The following CATSPERG variants were observed in gnomAD, a reference collection of about 807,000 sequenced individuals.
The protein encoded by CATSPERG is catsper channel auxiliary subunit gamma.
A neutral mutation model predicts 145.0 loss-of-function variants in CATSPERG; 115 were observed. The ratio of observed to expected loss-of-function variants is 0.79; its 90% CI spans 0.68 to 0.93. CATSPERG has a LOEUF of 0.93. Ranked by LOEUF, CATSPERG falls within the 40% of genes least tolerant of loss-of-function variation. The pLI, the probability that CATSPERG is intolerant of heterozygous loss-of-function variation, is 0.00. For synonymous variants in CATSPERG, 588 were observed against 589.0 expected (o/e 1.00, Z 0.02); for missense variants, 1,296 against 1,490.1 (o/e 0.87, Z 2.14).
chr19:38,344,866 CACACACACACACACACATATAT>C (rs1970005846), intron 6 of CATSPERG, among the ~76,000 whole-genome samples: 1 of 104,646 alleles, frequency 9.6e-6, no homozygotes, highest in African/African-American at 3.2e-5. Context: ...GACACACACA[CACACACACACACACACATATAT>C]ATATATATAT....
intron 8 of CATSPERG, among the ~76,000 whole-genome samples, chr19:38,353,023 G>A (rs963701860): frequency 4.0e-5 from 3 of 75,534 alleles, no homozygotes; most frequent in Admixed American, 1.9e-4. Flanking sequence ...GCAAGACCCT[G>A]TTTCAAAAAA....
rs775853557 is a variant in CATSPERG, at chr19:38,354,666, A to T, written c.998-44A>T. On this transcript the variant is annotated intron_variant, in intron 8 of 28. Transcript: ENST00000409235. ...AATGTGGGCAGGGGGCAGAGGCCCC[A>T]GATCCAACCACCTGGGTCTGAGGCC... is the stretch of plus-strand genomic sequence containing the variant. The T allele has an allele frequency of 1.1e-5, 17 of 1,605,846 alleles. No individual in the cohort carries two copies. The South Asian group carries it at 1.4e-4, about 14-fold the overall frequency.
chr19:38,352,501 T>G (rs773568577), intron 8 of CATSPERG, 69 bp downstream of exon 8: 2 of 1,445,462 alleles, frequency 1.4e-6, no homozygotes, highest in South Asian at 2.4e-5. Context: ...TGAAGGTGGC[T>G]GGGGGCTGGA....
rs774101181 is a variant in CATSPERG at position 38,370,799 on chromosome 19, C to T, written c.*7C>T. The T allele has an allele frequency of 1.4e-5, 23 of 1,610,510 alleles. No homozygotes were observed. The highest frequency in any genetic ancestry group is 1.9e-5 in the Non-Finnish European group (22 of 1,177,308). Reference sequence around the variant, plus strand: ...GAGACAGTTGATGACCTGAGTGTCCCACCTGCCCCAGCCCCCAGTTACTGT... The same window carrying T: ...GAGACAGTTGATGACCTGAGTGTCCTACCTGCCCCAGCCCCCAGTTACTGT... On this transcript the variant is annotated 3_prime_UTR_variant, in exon 29 of 29. Transcript: ENST00000409235.
At chr19:38,360,429 AG>A in intron 14 of CATSPERG, 59 bp from the exon 15 acceptor site, 1 of 1,600,656 alleles carries the variant, frequency 6.2e-7, no homozygotes, top group Admixed American at 1.7e-5. Flanking sequence ...GCAGAGGGTG[AG>A]GTGGGATCAG....
chr19:38,340,653 G>A (rs756827219), intron 3 of CATSPERG, among the ~76,000 whole-genome samples: 8 of 149,312 alleles, frequency 5.4e-5, no homozygotes, highest in East Asian at 2.0e-4. Flanking sequence ...AGGGTCTTGC[G>A]CTGTCACCCA....
rs979411266 is a variant in CATSPERG at position 38,362,696 on chromosome 19, G to T, written c.2357-18G>T. 9 of 1,613,448 alleles carry T rather than the reference G, an allele frequency of 5.6e-6. No individual in the cohort carries two copies. Among genetic ancestry groups the T allele is most frequent in the Non-Finnish European group, 7.6e-6 (9 of 1,179,504 alleles). On this transcript the variant is annotated intron_variant, in intron 19 of 28. Coordinates refer to ENST00000409235, the MANE Select transcript of CATSPERG (RefSeq NM_021185.5). ...TGTCTGTGAGGGAGGCCTTAACCCC[G>T]TTTACTGCCCGGAGCAGGCACCGCC...
At chr19:38,355,594 G>A (rs1407518929) in intron 9 of CATSPERG, among the ~76,000 whole-genome samples, 1 of 151,960 alleles carries the variant, frequency 6.6e-6, no homozygotes, top group Non-Finnish European at 1.5e-5. Context: ...CTACTTGGGA[G>A]GCTGAGGCAT....
chr19:38,367,399 A>C, intron 23 of CATSPERG, 87 bp downstream of exon 23: 1 of 1,562,190 alleles, frequency 6.4e-7, no homozygotes, highest in Non-Finnish European at 8.7e-7. Context: ...CTCTCCCCGC[A>C]GACTACCCAC....
Position 38,370,906 on chromosome 19 carries a change from A to G in CATSPERG, c.*114A>G. ...TCTCTTTCTGTTTTGCTTGATGTTT[A>G]CTTCTCGTTCAGACTCAAATAAAGC... On this transcript the variant is annotated 3_prime_UTR_variant, in exon 29 of 29. Coordinates refer to ENST00000409235, the MANE Select transcript of CATSPERG (RefSeq NM_021185.5). 1 of 1,209,448 alleles carries G rather than the reference A, an allele frequency of 8.3e-7. No homozygotes were observed. The allele number at this position is 1,209,448 out of a possible 1,614,324, so 74.9% of individuals were successfully genotyped here.
intron 12 of CATSPERG, 51 bp downstream of exon 12, chr19:38,358,379 G>A: frequency 6.2e-7 from 1 of 1,614,106 alleles, no homozygotes; most frequent in African/African-American, 1.3e-5. Context: ...GCCAGGAGGG[G>A]CCCAGGTGAC....
Position 38,370,238 on chromosome 19 carries a change from C to T in CATSPERG, c.3193C>T (p.Arg1065Trp), listed in dbSNP as rs757039518. The change falls in exon 28 of 29, where the codon CGG (arginine) becomes TGG (tryptophan). Residue 1065 changes from arginine to tryptophan, a missense_variant. Physicochemically the swap from Arg to Trp is moderately radical, Grantham distance 101. Coordinates refer to ENST00000409235, the MANE Select transcript of CATSPERG (RefSeq NM_021185.5). ...HIHGLPLSPK[R>W]ALFIIMVSAS... ...CCACGGGCTGCCACTCAGTCCCAAG[C>T]GGGCCCTTTTCATCATCATGGTGAG... The T allele has an allele frequency of 3.7e-5, 60 of 1,613,332 alleles. No individual in the cohort carries two copies. Among genetic ancestry groups the T allele is most frequent in the East Asian group, 8.9e-5 (4 of 44,886 alleles).
rs1970487503 is a variant in CATSPERG at position 38,368,138 on chromosome 19, G to GT, written c.3020+2dup. 1 of 1,613,836 alleles carries GT rather than the reference G, an allele frequency of 6.2e-7. No homozygotes were observed. The highest frequency in any genetic ancestry group is 2.2e-5 in the East Asian group (1 of 44,882). On this transcript the variant is annotated splice_donor_variant, in intron 26 of 28. Transcript: ENST00000409235. LOFTEE classifies it high-confidence loss of function. The stretch of plus-strand genomic sequence containing the variant: ...TGTCCCACGAGAGCCCAGGCATCGA[G>GT]TGAGTGCGTAGCCTGGCCCCTCTTG...
intron 4 of CATSPERG, 35 bp downstream of exon 4, chr19:38,343,759 G>T: frequency 1.3e-6 from 2 of 1,540,036 alleles, no homozygotes; most frequent in African/African-American, 1.4e-5. Context: ...ATCGCAACCT[G>T]GCAGGGGTGT....
chr19:38,350,160 G>T (rs1008760647), intron 7 of CATSPERG, among the ~76,000 whole-genome samples: 1 of 152,122 alleles, frequency 6.6e-6, no homozygotes, highest in Non-Finnish European at 1.5e-5. Context: ...GTGAGAAGGG[G>T]TCACCTGGCT....
At chr19:38,355,678 C>A (rs1156998010) in intron 9 of CATSPERG, among the ~76,000 whole-genome samples, 3 of 152,178 alleles carry the variant, frequency 2.0e-5, no homozygotes, top group African/African-American at 7.2e-5. Flanking sequence ...GCCTGGGCAA[C>A]AGAGTGAGAC....
chr19:38,337,680 T>G (rs1392053167), intron 3 of CATSPERG, 34 bp downstream of exon 3: 1 of 1,529,432 alleles, frequency 6.5e-7, no homozygotes, highest in South Asian at 1.2e-5. Flanking sequence ...GCTCATTCTA[T>G]GAGCCTTGGT....
Position 38,349,648 on chromosome 19 carries a change from T to TTTTG in CATSPERG, c.826-2585_826-2582dup, listed in dbSNP as rs371725796. 7.4e-3 allele frequency: 1,107 copies of TTTTG among 149,896 alleles called. 9 individuals carry two copies. Among genetic ancestry groups the TTTTG allele is most frequent in the Non-Finnish European group, 6.5e-3 (437 of 67,536 alleles). 9.3% of individuals were successfully genotyped at this position (149,896 alleles called of 1,614,324 possible). On this transcript the variant is annotated intron_variant, in intron 7 of 28. Coordinates refer to ENST00000409235, the MANE Select transcript of CATSPERG (RefSeq NM_021185.5). ...ACAGAGACTGTTGCTCATTGTTTTTTTTTGTTTGTTTGTTTGTTTGTTTGT... is the reference window on the plus strand; with the variant it reads ...ACAGAGACTGTTGCTCATTGTTTTTTTTTGTTTGTTTGTTTGTTTGTTTGTTTGT...
rs1219415691 is a variant in CATSPERG, at chr19:38,344,225, A to C, written c.597-71A>C. The C allele has an allele frequency of 4.6e-6, 7 of 1,537,980 alleles. No individual in the cohort carries two copies. The East Asian group carries it at 1.7e-4, about 38-fold the overall frequency. ...ATCCAAGGGAGAGAATGGGGAGAGG[A>C]GAGGCAGCTACGAGCTGTGGAACCC... On this transcript the variant is annotated intron_variant, in intron 5 of 28. Coordinates refer to ENST00000409235, the MANE Select transcript of CATSPERG (RefSeq NM_021185.5).
Sources: gnomAD v4.1 joint callset for allele counts (sites outside exome capture counted in the v4.1 genomes callset) on GRCh38, gnomAD v4.1.1 for gene constraint, MANE v1.5 for transcripts, NCBI Gene and HGNC (gene_info 2026-07-23, HGNC 2026-07-21) for gene names.